The following SOX5 variants were observed in gnomAD, a reference collection of about 807,000 sequenced individuals.
SOX5 encodes the protein transcription factor SOX-5.
SOX5 carries 9 observed loss-of-function variants against 92.0 expected under a neutral mutation model. The observed-to-expected ratio is 0.10, with a 90% CI of 0.06 to 0.17. The LOEUF is 0.17. SOX5 is among the 10% of genes least tolerant of loss of function. SOX5 has a pLI of 1.00. For missense variants in SOX5, 642 were observed against 944.5 expected (o/e 0.68, Z 4.20); for synonymous variants, 344 against 336.3 (o/e 1.02, Z -0.25).
At chr12:24,279,204 C>T (rs1273362181) in intron 2 of SOX5, among the ~76,000 whole-genome samples, 2 of 151,940 alleles carry the variant, frequency 1.3e-5, no homozygotes, top group African/African-American at 4.8e-5. Context: ...ATCACTATGG[C>T]AAAAGATTGG....
chr12:24,004,625 TG>T (rs1350078026), intron 4 of SOX5, among the ~76,000 whole-genome samples: 1 of 152,150 alleles, frequency 6.6e-6, no homozygotes, highest in Non-Finnish European at 1.5e-5. Context: ...TAACAAACCT[TG>T]GCTAGAATGT....
chr12:23,535,348 C>T (rs757675935), intron 14 of SOX5, among the ~76,000 whole-genome samples: 1 of 152,292 alleles, frequency 6.6e-6, no homozygotes, highest in East Asian at 1.9e-4. Context: ...GTTCTGGCCT[C>T]GTAGTGGTAG....
chr12:24,346,698 G>A (rs530504481), intron 2 of SOX5, among the ~76,000 whole-genome samples: 3 of 152,122 alleles, frequency 2.0e-5, no homozygotes, highest in East Asian at 3.9e-4. Context: ...TGATCCACCC[G>A]CCTTGGCCTC....
At chr12:24,102,030 C>T (rs967233550) in intron 4 of SOX5, among the ~76,000 whole-genome samples, 5 of 152,126 alleles carry the variant, frequency 3.3e-5, no homozygotes, top group African/African-American at 1.2e-4. Context: ...CCAAGTATAA[C>T]CCTGACATAA....
chr12:23,909,428 C>T (rs2097327188), intron 1 of SOX5, among the ~76,000 whole-genome samples: 1 of 152,058 alleles, frequency 6.6e-6, no homozygotes, highest in Non-Finnish European at 1.5e-5. Context: ...TTAGCACAAT[C>T]AATTTACCCA....
intron 1 of SOX5, among the ~76,000 whole-genome samples, chr12:23,905,998 T>G (rs1595537505): frequency 6.6e-6 from 1 of 152,258 alleles, no homozygotes; most frequent in Middle Eastern, 3.4e-3. Context: ...TTCAATCAAG[T>G]CACTTGAAGA....
At chr12:24,277,564 TTAAATATA>T (rs891703519) in intron 2 of SOX5, among the ~76,000 whole-genome samples, 4 of 121,248 alleles carry the variant, frequency 3.3e-5, no homozygotes, top group African/African-American at 1.2e-4. Context: ...TATTTATATA[TTAAATATA>T]TAAATATATA....
chr12:23,991,134 G>A (rs981392920), intron 4 of SOX5, among the ~76,000 whole-genome samples: 4 of 150,776 alleles, frequency 2.7e-5, no homozygotes, highest in East Asian at 2.0e-4. Context: ...AGAGAGGGTC[G>A]CTTGAGCCCA....
chr12:24,169,730 G>A (rs1490987658), intron 4 of SOX5, among the ~76,000 whole-genome samples: 1 of 152,232 alleles, frequency 6.6e-6, no homozygotes, highest in African/African-American at 2.4e-5. Flanking sequence ...GTGCGATGCT[G>A]CATAATGGTA....
At chr12:23,930,237 C>A (rs1361545322) in intron 1 of SOX5, among the ~76,000 whole-genome samples, 1 of 151,838 alleles carries the variant, frequency 6.6e-6, no homozygotes, top group East Asian at 1.9e-4. Context: ...TAGAATGCTT[C>A]ATTTTTAATT....
At chr12:24,453,128 T>C (rs1174192602) in intron 1 of SOX5, among the ~76,000 whole-genome samples, 1 of 152,048 alleles carries the variant, frequency 6.6e-6, no homozygotes. Flanking sequence ...TATTGAAGAG[T>C]AGAAATTGGA....
At chr12:24,458,115 G>A (rs990930851) in intron 1 of SOX5, among the ~76,000 whole-genome samples, 1 of 151,982 alleles carries the variant, frequency 6.6e-6, no homozygotes, top group Non-Finnish European at 1.5e-5. Flanking sequence ...TTGTTAAAAT[G>A]CATGTTCTGA....
At chr12:24,208,835 G>T (rs973970254) in intron 4 of SOX5, among the ~76,000 whole-genome samples, 5 of 152,186 alleles carry the variant, frequency 3.3e-5, no homozygotes, top group Non-Finnish European at 5.9e-5. Flanking sequence ...TGGGGTGAGG[G>T]TTGGAAAGTC....
chr12:24,239,573 A>G (rs1053091196), intron 3 of SOX5, among the ~76,000 whole-genome samples: 1 of 152,200 alleles, frequency 6.6e-6, no homozygotes, highest in Non-Finnish European at 1.5e-5. Context: ...ACCAGGTAAT[A>G]CTGTCTGGAT....
chr12:23,996,907 G>A (rs748919980), intron 4 of SOX5, among the ~76,000 whole-genome samples: 1 of 152,146 alleles, frequency 6.6e-6, no homozygotes, highest in Non-Finnish European at 1.5e-5. Flanking sequence ...AGAAGTGATT[G>A]TACAACACTG....
intron 3 of SOX5, among the ~76,000 whole-genome samples, chr12:23,789,233 T>TA (rs34760496): frequency 0.088 from 13,112 of 148,356 alleles, 1,447 homozygotes; most frequent in African/African-American, 0.26. Context: ...TTCTTTGAAA[T>TA]AAAAAAAAAA....
chr12:24,479,014 T>G (rs998163306), intron 1 of SOX5, among the ~76,000 whole-genome samples: 1 of 152,180 alleles, frequency 6.6e-6, no homozygotes, highest in African/African-American at 2.4e-5. Context: ...TCTCACTATT[T>G]TCCCCATTGA....
intron 8 of SOX5, among the ~76,000 whole-genome samples, chr12:23,613,501 T>C (rs2076209274): frequency 6.6e-6 from 1 of 152,202 alleles, no homozygotes; most frequent in African/African-American, 2.4e-5. Context: ...CTGGTAATTT[T>C]ACTTTTGGTC....
At chr12:24,272,659 T>G (rs888288723) in intron 3 of SOX5, among the ~76,000 whole-genome samples, 6 of 152,202 alleles carry the variant, frequency 3.9e-5, no homozygotes, top group Non-Finnish European at 7.4e-5. Flanking sequence ...AATTGTTTAT[T>G]TTTTTACATA....
Sources: gnomAD v4.1 joint callset for allele counts (sites outside exome capture counted in the v4.1 genomes callset) on GRCh38, gnomAD v4.1.1 for gene constraint, MANE v1.5 for transcripts, NCBI Gene and HGNC (gene_info 2026-07-23, HGNC 2026-07-21) for gene names.